The following CAPZB variants were observed in gnomAD, a reference collection of about 807,000 sequenced individuals.
CAPZB encodes F-actin-capping protein subunit beta.
CAPZB carries 2 observed loss-of-function variants against 38.1 expected under a neutral mutation model. The ratio of observed to expected loss-of-function variants is 0.05; its 90% CI spans 0.02 to 0.17. The LOEUF (loss-of-function observed/expected upper bound fraction) is 0.17. Among genes scored for constraint, CAPZB ranks in the 10% least tolerant of loss-of-function variants. CAPZB has a pLI of 1.00. For synonymous variants in CAPZB, 107 were observed against 127.4 expected, an observed-to-expected ratio of 0.84 and a Z score of 1.08; for missense variants, 161 against 334.2, an observed-to-expected ratio of 0.48 and a Z score of 4.04.
At chr1:19,457,330 C>T (rs1032207388) in intron 1 of CAPZB, among the ~76,000 whole-genome samples, 2 of 152,190 alleles carry the variant, frequency 1.3e-5, no homozygotes, top group Non-Finnish European at 2.9e-5. Flanking sequence ...AGACTACAGA[C>T]AAGGTCCGCA....
rs576133436 is a variant in CAPZB at position 19,419,308 on chromosome 1, G to C, written c.93+353C>G. ...ACTCACACCATAGCAGAGACTGACA[G>C]CGTCTGGCCTGCGTGCACTGCTGAA... On this transcript the variant is annotated intron_variant, in intron 2 of 8. Transcript: ENST00000264202. Among the ~76,000 whole-genome samples, 4 of 152,340 alleles carry C rather than the reference G, an allele frequency of 2.6e-5. No individual in the cohort carries two copies. In the South Asian group the frequency reaches 8.3e-4, roughly 32 times the overall value.
At chr1:19,438,723 C>A (rs541688753) in intron 1 of CAPZB, among the ~76,000 whole-genome samples, 2 of 152,192 alleles carry the variant, frequency 1.3e-5, no homozygotes, top group African/African-American at 2.4e-5. Flanking sequence ...AGAGGACACA[C>A]GAGGCCACAT....
At chr1:19,453,488 T>C (rs1172768929) in intron 1 of CAPZB, among the ~76,000 whole-genome samples, 2 of 152,144 alleles carry the variant, frequency 1.3e-5, no homozygotes, top group Non-Finnish European at 2.9e-5. Flanking sequence ...CTCGAACTCC[T>C]GACCTCAGGT....
intron 2 of CAPZB, among the ~76,000 whole-genome samples, chr1:19,398,803 A>C (rs1293244329): frequency 1.3e-5 from 2 of 151,612 alleles, no homozygotes; most frequent in African/African-American, 4.9e-5. Flanking sequence ...CCAAGGACTA[A>C]GGTGCAGACA....
chr1:19,455,856 T>C (rs1295961200), intron 1 of CAPZB, among the ~76,000 whole-genome samples: 2 of 152,314 alleles, frequency 1.3e-5, no homozygotes, highest in East Asian at 3.9e-4. Flanking sequence ...GCAAGTTATA[T>C]ACACAGGAAA....
intron 2 of CAPZB, among the ~76,000 whole-genome samples, chr1:19,396,753 C>G (rs2094271995): frequency 7.0e-6 from 1 of 142,944 alleles, no homozygotes; most frequent in Non-Finnish European, 1.5e-5. Flanking sequence ...CCAGCCTGAC[C>G]AACACGGTGA....
chr1:19,450,838 A>T (rs758498074), intron 1 of CAPZB, among the ~76,000 whole-genome samples: 3 of 152,220 alleles, frequency 2.0e-5, no homozygotes, highest in African/African-American at 7.2e-5. Context: ...AGACACATAT[A>T]CCACATTTGT....
intron 8 of CAPZB, 94 bp from the exon 9 acceptor site, chr1:19,339,711 G>T (rs1032583409): frequency 1.7e-5 from 16 of 962,514 alleles, no homozygotes; most frequent in Non-Finnish European, 2.4e-5. Context: ...TGGCTGATTT[G>T]CTGCATGGAC....
At chr1:19,457,853 G>GA (rs904745302) in intron 1 of CAPZB, among the ~76,000 whole-genome samples, 27 of 151,050 alleles carry the variant, frequency 1.8e-4, no homozygotes, top group African/African-American at 5.8e-4. Flanking sequence ...CGCTTATAAG[G>GA]AAAAAAAAGA....
At chr1:19,482,295 C>T (rs530880667) in intron 1 of CAPZB, among the ~76,000 whole-genome samples, 18 of 152,330 alleles carry the variant, frequency 1.2e-4, no homozygotes, top group African/African-American at 4.1e-4. Context: ...ATGAACAGGG[C>T]TGTATAGACA....
intron 2 of CAPZB, among the ~76,000 whole-genome samples, chr1:19,400,337 C>T (rs1234871296): frequency 2.0e-5 from 3 of 152,192 alleles, no homozygotes; most frequent in Non-Finnish European, 4.4e-5. Context: ...CCCTGCGGGA[C>T]ACGCAGGCTC....
At chr1:19,362,510 A>G (rs1321393724) in intron 4 of CAPZB, among the ~76,000 whole-genome samples, 1 of 152,066 alleles carries the variant, frequency 6.6e-6, no homozygotes, top group Non-Finnish European at 1.5e-5. Context: ...GTGAGCCACC[A>G]CGTCTGGTCA....
chr1:19,465,119 G>C (rs1350441415), intron 1 of CAPZB, among the ~76,000 whole-genome samples: 1 of 152,192 alleles, frequency 6.6e-6, no homozygotes, highest in East Asian at 1.9e-4. Flanking sequence ...AAGACACTGG[G>C]CATGTGAGAA....
In CAPZB at chr1:19,356,324, A is replaced by C; in HGVS notation, c.588+311T>G. ...GGCCACAGAGACGGCAAACAGGGCCAAGCACCACTTCTCACAGCACAACAT... is the reference window on the plus strand; with the variant it reads ...GGCCACAGAGACGGCAAACAGGGCCCAGCACCACTTCTCACAGCACAACAT... On this transcript the variant is annotated intron_variant, in intron 6 of 8. Transcript: ENST00000264202. The surrounding 1 kb of genome is among the most constrained non-coding windows in gnomAD (Gnocchi z 4.3). 8.0e-6 allele frequency among the ~76,000 whole-genome samples: 1 copy of C among 124,244 alleles called. No homozygotes were observed. Among genetic ancestry groups the C allele is most frequent in the African/African-American group, 2.7e-5 (1 of 37,484 alleles). 81.5% of individuals were successfully genotyped at this position (124,244 alleles called of 152,430 possible).
chr1:19,427,687 G>A (rs2094428034), intron 1 of CAPZB, among the ~76,000 whole-genome samples: 2 of 152,190 alleles, frequency 1.3e-5, no homozygotes, highest in South Asian at 4.1e-4. Context: ...TCTGGGATGT[G>A]ACAATAGCTG....
At chr1:19,377,086 T>G (rs2094148291) in intron 4 of CAPZB, among the ~76,000 whole-genome samples, 1 of 152,238 alleles carries the variant, frequency 6.6e-6, no homozygotes, top group South Asian at 2.1e-4. Flanking sequence ...ACTTTAATAT[T>G]AAACCAATTC....
At chr1:19,467,835 C>T (rs1029549825) in intron 1 of CAPZB, among the ~76,000 whole-genome samples, 2 of 152,200 alleles carry the variant, frequency 1.3e-5, no homozygotes, top group Non-Finnish European at 2.9e-5. Context: ...TATGCTTCCC[C>T]GACATCGTTT....
chr1:19,340,592 G>A (rs891115844), intron 8 of CAPZB, among the ~76,000 whole-genome samples: 8 of 152,164 alleles, frequency 5.3e-5, no homozygotes, highest in Non-Finnish European at 8.8e-5. Flanking sequence ...AGCACTTTGG[G>A]AGGCCAAGGC....
intron 4 of CAPZB, among the ~76,000 whole-genome samples, chr1:19,358,118 C>T (rs903781843): frequency 6.6e-6 from 1 of 152,148 alleles, no homozygotes; most frequent in African/African-American, 2.4e-5. Flanking sequence ...TCCTCAAATC[C>T]GACGCAATGC....
Sources: gnomAD v4.1 joint callset for allele counts (sites outside exome capture counted in the v4.1 genomes callset) on GRCh38, gnomAD v4.1.1 for gene constraint, Gnocchi (gnomAD v3.1) non-coding constraint, MANE v1.5 for transcripts, NCBI Gene and HGNC (gene_info 2026-07-23, HGNC 2026-07-21) for gene names.